Variants in SEL1L3 observed in about 807,000 individuals in gnomAD.
SEL1L3 encodes protein sel-1 homolog 3.
Under a neutral mutation model 142.8 loss-of-function variants are expected in SEL1L3, and 76 were observed. The ratio of observed to expected loss-of-function variants is 0.53; its 90% CI spans 0.44 to 0.64. The LOEUF is 0.64. Among genes scored for constraint, SEL1L3 ranks in the 30% least tolerant of loss-of-function variants. SEL1L3 has a pLI of 0.00. For synonymous variants in SEL1L3, 504 were observed against 519.6 expected (o/e 0.97, Z 0.41); for missense variants, 1,262 against 1,381.7 (o/e 0.91, Z 1.37).
At chr4:25,804,372 G>A (rs1291926853) in intron 10 of SEL1L3, among the ~76,000 whole-genome samples, 169 bp downstream of exon 10, 7 of 152,186 alleles carry the variant, frequency 4.6e-5, no homozygotes, top group Admixed American at 2.0e-4. Context: ...CTCACTGAAA[G>A]CAAAGGATCC....
At chr4:25,858,453 G>T (rs1397955387) in intron 1 of SEL1L3, among the ~76,000 whole-genome samples, 4 of 152,214 alleles carry the variant, frequency 2.6e-5, no homozygotes, top group Non-Finnish European at 5.9e-5. Flanking sequence ...ATGACCGAGG[G>T]TGTGTGGCCA....
chr4:25,757,448 C>T (rs1205122158), intron 23 of SEL1L3, 86 bp downstream of exon 23: 1 of 976,220 alleles, frequency 1.0e-6, no homozygotes, highest in African/African-American at 2.1e-5. Flanking sequence ...CACAATTTTT[C>T]CAGTAGACCA....
At chr4:25,716,427 C>A in the SEL1L3 span, among the ~76,000 whole-genome samples, 5 of 152,106 alleles carry the variant, frequency 3.3e-5, no homozygotes, top group African/African-American at 1.2e-4. Context: ...ATTGGTATTA[C>A]CACATTGGAG....
At chr4:25,759,857 G>A (rs1457804305) in intron 20 of SEL1L3, 2 of 152,206 alleles carry the variant, frequency 1.3e-5, no homozygotes, top group Non-Finnish European at 2.9e-5. Flanking sequence ...CTTACCATTA[G>A]AACTTGACCA....
intron 23 of SEL1L3, among the ~76,000 whole-genome samples, chr4:25,752,493 T>G (rs911613482): frequency 2.0e-5 from 3 of 151,658 alleles, no homozygotes; most frequent in Non-Finnish European, 2.9e-5. Flanking sequence ...TAGGCTTTGG[T>G]CATTATGTCT....
At chr4:25,836,715 G>A (rs1715845754) in intron 2 of SEL1L3, among the ~76,000 whole-genome samples, 2 of 152,102 alleles carry the variant, frequency 1.3e-5, no homozygotes, top group Admixed American at 6.5e-5. Flanking sequence ...ATGATTAAAT[G>A]GTGGGAACAG....
At chr4:25,767,127 A>C (rs369860303) in intron 19 of SEL1L3, among the ~76,000 whole-genome samples, 1 of 152,110 alleles carries the variant, frequency 6.6e-6, no homozygotes, top group Non-Finnish European at 1.5e-5. Context: ...CCCTATGTCT[A>C]CTTAAAAAAT....
intron 1 of SEL1L3, among the ~76,000 whole-genome samples, chr4:25,854,410 T>C (rs577673817): frequency 7.2e-5 from 11 of 152,324 alleles, no homozygotes; most frequent in African/African-American, 2.6e-4. Context: ...CCTGAGTACC[T>C]GGGACTACAG....
At chr4:25,744,370 AC>A (rs1217661337), downstream of SEL1L3, among the ~76,000 whole-genome samples, 1 of 25,426 alleles carries the variant, frequency 3.9e-5, no homozygotes, top group Non-Finnish European at 1.3e-4. Flanking sequence ...TTTTTTTGAG[AC>A]GGAGCCTCGC....
chr4:25,757,944 A>G (rs1193894996), intron 21 of SEL1L3, 154 bp from the exon 22 acceptor site: 1 of 628,462 alleles, frequency 1.6e-6, no homozygotes, highest in Non-Finnish European at 2.9e-6. Flanking sequence ...AAATAAAGCC[A>G]GTGGCCAAAT....
the SEL1L3 span, among the ~76,000 whole-genome samples, chr4:25,736,242 T>TGTGTGTGTGTGTGTGTGTGTGTGTGA: frequency 6.6e-6 from 1 of 150,442 alleles, no homozygotes; most frequent in African/African-American, 2.4e-5. Context: ...TGTGTGTGTG[T>TGTGTGTGTGTGTGTGTGTGTGTGTGA]GATGGAGTTT....
chr4:25,744,584 C>T (rs1717206482), downstream of SEL1L3, among the ~76,000 whole-genome samples: 1 of 152,150 alleles, frequency 6.6e-6, no homozygotes, highest in Non-Finnish European at 1.5e-5. Context: ...AAATTCCTGA[C>T]CTCAAGAGAT....
chr4:25,737,939 G>A, the SEL1L3 span, among the ~76,000 whole-genome samples: 1 of 152,062 alleles, frequency 6.6e-6, no homozygotes, highest in Non-Finnish European at 1.5e-5. Context: ...AACCAGGCTG[G>A]AGTGCAATAG....
chr4:25,754,888 T>C (rs1423067820), intron 23 of SEL1L3, among the ~76,000 whole-genome samples: 2 of 152,224 alleles, frequency 1.3e-5, no homozygotes, highest in Non-Finnish European at 2.9e-5. Context: ...GGGCCCTATA[T>C]TGATTTTTAA....
chr4:25,778,585 A>G (rs889157238), intron 16 of SEL1L3, among the ~76,000 whole-genome samples: 9 of 152,220 alleles, frequency 5.9e-5, no homozygotes, highest in African/African-American at 1.7e-4. Context: ...TAATGTAACC[A>G]AAATGATATA....
chr4:25,755,656 A>G (rs775390701), intron 23 of SEL1L3, among the ~76,000 whole-genome samples: 7 of 152,188 alleles, frequency 4.6e-5, no homozygotes, highest in Non-Finnish European at 1.0e-4. Flanking sequence ...GACAGGAGAG[A>G]CACGGAGACA....
At chr4:25,736,213 T>TTGTATGTGTGTGTGTGTG in the SEL1L3 span, among the ~76,000 whole-genome samples, 2 of 130,592 alleles carry the variant, frequency 1.5e-5, no homozygotes, top group Non-Finnish European at 3.2e-5. Flanking sequence ...TGCCATAAGA[T>TTGTATGTGTGTGTGTGTG]TGTGTGTCTG....
chr4:25,855,146 T>C (rs1717168483), intron 1 of SEL1L3, among the ~76,000 whole-genome samples: 1 of 152,236 alleles, frequency 6.6e-6, no homozygotes, highest in African/African-American at 2.4e-5. Context: ...CCAACACTGA[T>C]TAGCAACACA....
intron 9 of SEL1L3, among the ~76,000 whole-genome samples, chr4:25,816,363 T>C (rs537162066): frequency 2.6e-5 from 4 of 152,056 alleles, no homozygotes; most frequent in African/African-American, 7.2e-5. Context: ...AGTGTTAAAA[T>C]TGGACCCAGG....
Sources: gnomAD v4.1 joint callset for allele counts (sites outside exome capture counted in the v4.1 genomes callset) on GRCh38, gnomAD v4.1.1 for gene constraint, MANE v1.5 for transcripts, NCBI Gene and HGNC (gene_info 2026-07-23, HGNC 2026-07-21) for gene names.